PTPRN2: variants seen among roughly 807,000 people sequenced by gnomAD.
PTPRN2 encodes receptor-type tyrosine-protein phosphatase N2.
In PTPRN2, 74 loss-of-function variants were observed where a neutral mutation model predicts 118.8. The observed-to-expected ratio is 0.62, with a 90% CI of 0.52 to 0.76. PTPRN2 has a LOEUF of 0.76. PTPRN2 is among the 30% of genes least tolerant of loss of function. The pLI is 0.00. For synonymous variants in PTPRN2, 641 were observed against 608.0 expected (o/e 1.05, Z -0.80); for missense variants, 1,481 against 1,394.4 (o/e 1.06, Z -0.99).
rs1383310493 is a variant in PTPRN2, at chr7:158,022,017, C to G, written c.1723+59281G>C. Among the ~76,000 whole-genome samples, 1 of 152,106 alleles carries G rather than the reference C, an allele frequency of 6.6e-6. No individual in the cohort carries two copies. The highest frequency in any genetic ancestry group is 1.5e-5 in the Non-Finnish European group (1 of 68,004). On this transcript the variant is annotated intron_variant, in intron 11 of 22. Coordinates refer to ENST00000389418, the MANE Select transcript of PTPRN2 (RefSeq NM_002847.5). The surrounding 1 kb of genome is among the most constrained non-coding windows in gnomAD (Gnocchi z 4.6). ...TGAGCCGGGCAGCCTCGCCCATCCA[C>G]CATGAGGCGAGACCCCACACTCCAG...
chr7:158,341,178 CCA>C (rs1397998263), intron 2 of PTPRN2, among the ~76,000 whole-genome samples: 23 of 150,112 alleles, frequency 1.5e-4, no homozygotes, highest in Admixed American at 1.4e-3. Flanking sequence ...TCACTCACAC[CCA>C]CACTCTCACC....
At chr7:158,448,743 T>C (rs977115499) in intron 2 of PTPRN2, among the ~76,000 whole-genome samples, 4 of 152,148 alleles carry the variant, frequency 2.6e-5, no homozygotes, top group African/African-American at 9.7e-5. Flanking sequence ...GCTGGGGGCA[T>C]TTCCAGCCTA....
intron 2 of PTPRN2, among the ~76,000 whole-genome samples, chr7:158,466,132 T>C (rs1819365930): frequency 6.6e-6 from 1 of 152,238 alleles, no homozygotes; most frequent in Admixed American, 6.5e-5. Context: ...AGGTGGCCAC[T>C]GTGGTCAAGA....
chr7:157,830,083 GATGGTGT>G, intron 12 of PTPRN2, among the ~76,000 whole-genome samples: 1 of 132,618 alleles, frequency 7.5e-6, no homozygotes, highest in East Asian at 2.3e-4. Flanking sequence ...GTCCTTTCTG[GATGGTGT>G]CCTTGACCTC....
chr7:157,842,438 G>A (rs931211898), intron 12 of PTPRN2, among the ~76,000 whole-genome samples: 9 of 139,656 alleles, frequency 6.4e-5, no homozygotes, highest in Non-Finnish European at 1.2e-4. Flanking sequence ...TTTTTGAGAC[G>A]GTGTCTCGCT....
intron 12 of PTPRN2, among the ~76,000 whole-genome samples, chr7:157,860,577 A>G (rs973123526): frequency 6.6e-6 from 1 of 152,240 alleles, no homozygotes; most frequent in Non-Finnish European, 1.5e-5. Context: ...TGCTGTGTGA[A>G]CGCGTTTCCA....
In PTPRN2 at chr7:157,763,128, GGT is replaced by G. The variant is rs61382752; in HGVS notation, c.1789-80193_1789-80192del. 3.1e-5 allele frequency among the ~76,000 whole-genome samples: 4 copies of G among 130,780 alleles called. No individual in the cohort carries two copies. Among genetic ancestry groups the G allele is most frequent in the African/African-American group, 9.2e-5 (3 of 32,600 alleles). 85.8% of individuals were successfully genotyped at this position (130,780 alleles called of 152,430 possible). ...AGCCCACGGCCGCCCACTCATGGTC[GGT>G]CACAGGGTTAACCCTCCATCAGAGC... On this transcript the variant is annotated intron_variant, in intron 12 of 22. Coordinates refer to ENST00000389418, the MANE Select transcript of PTPRN2 (RefSeq NM_002847.5). The surrounding 1 kb of genome is among the most constrained non-coding windows in gnomAD (Gnocchi z 4.9).
chr7:158,425,323 A>T lies in PTPRN2; in HGVS notation c.163+64412T>A, dbSNP rs370012987. 1.3e-3 allele frequency among the ~76,000 whole-genome samples: 123 copies of T among 97,940 alleles called. 3 individuals are homozygous for T. In the Middle Eastern group the frequency reaches 0.016, roughly 13 times the overall value. 64.3% of individuals were successfully genotyped at this position (97,940 alleles called of 152,430 possible). ...CGCCGGGAAAGACCCAGAGTCCGAG[A>T]CCAGCCTAGCTGAGGCCTGCGCACC... is the stretch of plus-strand genomic sequence containing the variant. On this transcript the variant is annotated intron_variant, in intron 2 of 22. Coordinates refer to ENST00000389418, the MANE Select transcript of PTPRN2 (RefSeq NM_002847.5).
intron 2 of PTPRN2, among the ~76,000 whole-genome samples, chr7:158,431,840 C>A (rs894119727): frequency 1.3e-5 from 2 of 152,234 alleles, no homozygotes; most frequent in South Asian, 4.1e-4. Flanking sequence ...GCCACCCACC[C>A]GAGGGACAGG....
intron 10 of PTPRN2, among the ~76,000 whole-genome samples, chr7:158,089,737 G>GA (rs1813881661): frequency 1.0e-5 from 1 of 100,344 alleles, no homozygotes; most frequent in African/African-American, 4.9e-5. Context: ...CAAAAGAGGG[G>GA]GTCTTCACAC....
intron 1 of PTPRN2, among the ~76,000 whole-genome samples, chr7:158,510,559 C>G (rs1473239574): frequency 2.0e-5 from 3 of 152,002 alleles, no homozygotes; most frequent in East Asian, 3.8e-4. Context: ...AAGATTCTAC[C>G]CTTCTTTGCA....
Position 157,846,445 on chromosome 7 carries a change from G to A in PTPRN2, c.1788+52228C>T, listed in dbSNP as rs550541143. Among the ~76,000 whole-genome samples, 12 of 152,188 alleles carry A rather than the reference G, an allele frequency of 7.9e-5. No homozygotes were observed. In the East Asian group the frequency reaches 1.5e-3, roughly 20 times the overall value. On this transcript the variant is annotated intron_variant, in intron 12 of 22. Transcript: ENST00000389418. ...AATGCAAAGCTCTGAACCAACCACCGAGAAACACCCTTTCCCCTCCCCTGG... is the reference window on the plus strand; with the variant it reads ...AATGCAAAGCTCTGAACCAACCACCAAGAAACACCCTTTCCCCTCCCCTGG...
At chr7:158,116,102 G>C (rs1231436580) in intron 9 of PTPRN2, among the ~76,000 whole-genome samples, 1 of 152,168 alleles carries the variant, frequency 6.6e-6, no homozygotes, top group Non-Finnish European at 1.5e-5. Flanking sequence ...CCTGCACATG[G>C]ACACAAGTAC....
intron 11 of PTPRN2, among the ~76,000 whole-genome samples, chr7:157,995,567 T>C (rs995792284): frequency 3.9e-5 from 6 of 152,284 alleles, no homozygotes; most frequent in South Asian, 2.1e-4. Flanking sequence ...TGTAAATTCC[T>C]GGAAGGCAGC....
intron 8 of PTPRN2, among the ~76,000 whole-genome samples, chr7:158,134,587 C>T (rs1186073416): frequency 6.6e-6 from 1 of 152,160 alleles, no homozygotes; most frequent in Admixed American, 6.5e-5. Context: ...CCCCAGTTCA[C>T]AGAAGGGGAG....
At chr7:158,330,812 T>C (rs1314637998) in intron 2 of PTPRN2, among the ~76,000 whole-genome samples, 7 of 101,150 alleles carry the variant, frequency 6.9e-5, no homozygotes, top group Admixed American at 1.1e-4. Context: ...CCATAAGAGC[T>C]GACACCCGCA....
At chr7:157,744,569 A>G (rs998922032) in intron 12 of PTPRN2, among the ~76,000 whole-genome samples, 11 of 152,254 alleles carry the variant, frequency 7.2e-5, no homozygotes, top group Non-Finnish European at 1.5e-4. Flanking sequence ...GGTATAATAT[A>G]GTAGCCATCT....
At chr7:158,073,198 C>T (rs938892546) in intron 11 of PTPRN2, among the ~76,000 whole-genome samples, 1 of 152,244 alleles carries the variant, frequency 6.6e-6, no homozygotes, top group Non-Finnish European at 1.5e-5. Context: ...TCTGCCCCTA[C>T]TGCTTCTGTC....
chr7:158,345,363 G>C (rs894936451), intron 2 of PTPRN2, among the ~76,000 whole-genome samples: 9 of 152,190 alleles, frequency 5.9e-5, no homozygotes, highest in African/African-American at 2.2e-4. Context: ...CCAGAGCTTT[G>C]TCTGGAGACA....
Sources: gnomAD v4.1 joint callset for allele counts (sites outside exome capture counted in the v4.1 genomes callset) on GRCh38, gnomAD v4.1.1 for gene constraint, Gnocchi (gnomAD v3.1) non-coding constraint, MANE v1.5 for transcripts, NCBI Gene and HGNC (gene_info 2026-07-23, HGNC 2026-07-21) for gene names.